The following KPNA7 variants were observed in gnomAD, a reference collection of about 807,000 sequenced individuals.
KPNA7 encodes the protein karyopherin subunit alpha 7.
A neutral mutation model predicts 53.7 loss-of-function variants in KPNA7; 54 were observed. The ratio of observed to expected loss-of-function variants is 1.01; its 90% CI spans 0.81 to 1.26. The LOEUF (loss-of-function observed/expected upper bound fraction) is 1.26. Ranked by LOEUF, KPNA7 falls within the 50% of genes most tolerant of loss-of-function variation. The pLI, the probability that KPNA7 is intolerant of heterozygous loss-of-function variation, is 0.00. For missense variants in KPNA7, 640 were observed against 644.5 expected (o/e 0.99, Z 0.07); for synonymous variants, 276 against 259.3 (o/e 1.06, Z -0.62).
chr7:99,158,867 CT>C, the KPNA7 span, among the ~76,000 whole-genome samples: 20 of 149,180 alleles, frequency 1.3e-4, no homozygotes, highest in Non-Finnish European at 2.4e-4. Flanking sequence ...TAAACAGCAT[CT>C]TTTTTTTTTC....
At chr7:99,163,578 A>G in the KPNA7 span, among the ~76,000 whole-genome samples, 139,467 of 149,914 alleles carry the variant, frequency 0.93, 65,029 homozygotes, top group East Asian at 1. Context: ...ATAGAGATGG[A>G]GTCATGCTGT....
At chr7:99,169,492 C>T (rs188975884), downstream of KPNA7, among the ~76,000 whole-genome samples, 11 of 151,438 alleles carry the variant, frequency 7.3e-5, no homozygotes, top group South Asian at 4.2e-4. Context: ...TGGTGGGGCA[C>T]GCCTGTAATC....
At chr7:99,188,176 A>AG in intron 7 of KPNA7, 124 bp downstream of exon 7, 1 of 588,740 alleles carries the variant, frequency 1.7e-6, no homozygotes, top group East Asian at 4.7e-5. Flanking sequence ...CTCTGTCTCA[A>AG]AAAAAAAAAA....
intron 1 of KPNA7, 39 bp from the exon 2 acceptor site, chr7:99,207,528 A>G (rs1374148036): frequency 7.0e-6 from 7 of 998,516 alleles, no homozygotes; most frequent in Non-Finnish European, 1.0e-5. Flanking sequence ...TTCAGTGCCC[A>G]TTGTGTGGGT....
chr7:99,162,499 A>G, the KPNA7 span, among the ~76,000 whole-genome samples: 2 of 152,280 alleles, frequency 1.3e-5, no homozygotes, highest in African/African-American at 2.4e-5. Context: ...CCCCGAGTCT[A>G]AGCAGGTGGG....
At chr7:99,204,017 A>G (rs1461422514) in intron 2 of KPNA7, among the ~76,000 whole-genome samples, 1 of 151,782 alleles carries the variant, frequency 6.6e-6, no homozygotes, top group Non-Finnish European at 1.5e-5. Flanking sequence ...GCCCATTTCC[A>G]CTATTAATGA....
rs564052921 is a variant in KPNA7, at chr7:99,202,449, C to T, written c.201+657G>A. ...AGTCAAAGTGTTAGGAAAGACCTCACCCATCCAGGGACTAGATGCCTCTAC... is the reference window on the plus strand; with the variant it reads ...AGTCAAAGTGTTAGGAAAGACCTCATCCATCCAGGGACTAGATGCCTCTAC... On this transcript the variant is annotated intron_variant, in intron 3 of 10. Coordinates refer to ENST00000327442, the MANE Select transcript of KPNA7 (RefSeq NM_001145715.3). Among the ~76,000 whole-genome samples the T allele has an allele frequency of 6.6e-5, 10 of 152,286 alleles. No homozygotes were observed. In the South Asian group the frequency reaches 2.1e-3, roughly 32 times the overall value.
At chr7:99,150,298 G>A in the KPNA7 span, among the ~76,000 whole-genome samples, 1 of 152,010 alleles carries the variant, frequency 6.6e-6, no homozygotes, top group Non-Finnish European at 1.5e-5. Flanking sequence ...GTTTCACTAT[G>A]TTGGCCAGAC....
At position 99,173,632 on chromosome 7, in the gene KPNA7, AAGAT is replaced by A. The variant is rs1798811375; in HGVS notation, c.*72_*75del. ...AAAAGCTTCACATTTGGGTTACACT[AAGAT>A]AGAGGACTGCTGCTTCTTAAAGAAG... On this transcript the variant is annotated 3_prime_UTR_variant, in exon 11 of 11. Coordinates refer to ENST00000327442, the MANE Select transcript of KPNA7 (RefSeq NM_001145715.3). 3 of 875,758 alleles carry A rather than the reference AAGAT, an allele frequency of 3.4e-6. No homozygotes were observed. The highest frequency in any genetic ancestry group is 5.0e-5 in the Admixed American group (2 of 40,230). 54.2% of individuals were successfully genotyped at this position (875,758 alleles called of 1,614,324 possible).
At chr7:99,176,441 G>C (rs1169841203) in intron 10 of KPNA7, among the ~76,000 whole-genome samples, 5 of 152,178 alleles carry the variant, frequency 3.3e-5, no homozygotes, top group Non-Finnish European at 5.9e-5. Flanking sequence ...GTCGGCAAGG[G>C]TGTGGAGAAA....
chr7:99,214,182 C>A (rs1301932712), intron 1 of KPNA7, among the ~76,000 whole-genome samples: 2 of 151,794 alleles, frequency 1.3e-5, no homozygotes, highest in African/African-American at 4.8e-5. Context: ...GTAATCCCAG[C>A]ACCTTGGGAG....
At chr7:99,185,776 T>C (rs1283485612) in intron 7 of KPNA7, among the ~76,000 whole-genome samples, 1 of 151,152 alleles carries the variant, frequency 6.6e-6, no homozygotes, top group Non-Finnish European at 1.5e-5. Flanking sequence ...AAATGCTAAA[T>C]TGACGATAGT....
At chr7:99,187,991 C>T (rs891988611) in intron 7 of KPNA7, among the ~76,000 whole-genome samples, 1 of 150,886 alleles carries the variant, frequency 6.6e-6, no homozygotes, top group Non-Finnish European at 1.5e-5. Context: ...GCCTGGCCAA[C>T]ATGGTAAAAC....
At chr7:99,211,156 A>G (rs981041228), upstream of KPNA7, among the ~76,000 whole-genome samples, 1 of 152,224 alleles carries the variant, frequency 6.6e-6, no homozygotes. Context: ...ACAGTGGCTC[A>G]TGCCTATAAT....
intron 7 of KPNA7, among the ~76,000 whole-genome samples, chr7:99,187,798 T>TAA (rs1789685105): frequency 4.8e-3 from 14 of 2,892 alleles, no homozygotes; most frequent in African/African-American, 7.5e-3. Context: ...GCCTTTTTTT[T>TAA]TAAAAAAAAA....
chr7:99,189,358 C>G (rs1451640270), intron 6 of KPNA7, among the ~76,000 whole-genome samples: 2 of 152,004 alleles, frequency 1.3e-5, no homozygotes, highest in South Asian at 2.1e-4. Flanking sequence ...AACTCCTGGG[C>G]TCAAGTGATC....
intron 2 of KPNA7, 67 bp downstream of exon 2, chr7:99,207,334 C>A: frequency 7.1e-7 from 1 of 1,411,686 alleles, no homozygotes. Flanking sequence ...CGCCTGGTCT[C>A]TTCACCCCGC....
intron 1 of KPNA7, among the ~76,000 whole-genome samples, 78 bp downstream of exon 1, chr7:99,207,950 T>G (rs1416470607): frequency 1.3e-5 from 2 of 151,834 alleles, no homozygotes; most frequent in Admixed American, 6.6e-5. Flanking sequence ...TTTTATTTTT[T>G]GGGACCAGAG....
rs1185400800 is a variant in KPNA7 at position 99,187,796 on chromosome 7, TTTTA to T, written c.900+500_900+503del. Among the ~76,000 whole-genome samples, 15 of 30,736 alleles carry T rather than the reference TTTTA, an allele frequency of 4.9e-4. No homozygotes were observed. The Admixed American group carries it at 5.3e-3, about 11-fold the overall frequency. 20.2% of individuals were successfully genotyped at this position (30,736 alleles called of 152,430 possible). A position where few individuals can be genotyped will look rare whatever the true frequency, so the allele number is the denominator to read the frequency against. On this transcript the variant is annotated intron_variant, in intron 7 of 10. Coordinates refer to ENST00000327442, the MANE Select transcript of KPNA7 (RefSeq NM_001145715.3). ...GTGAGCCACCGTGCCCGGCCTTTTT[TTTTA>T]AAAAAAAAAAAAAAAAAAAAAAAAA... is the stretch of plus-strand genomic sequence containing the variant.
Sources: allele counts gnomAD v4.1 joint callset (sites outside exome capture counted in the v4.1 genomes callset), GRCh38; gene constraint gnomAD v4.1.1; transcripts MANE v1.5; gene names NCBI Gene and HGNC (gene_info 2026-07-23, HGNC 2026-07-21).